Variants in TIMM13 observed in about 807,000 individuals in gnomAD.
TIMM13 encodes translocase of inner mitochondrial membrane 13, also known as mitochondrial import inner membrane translocase subunit Tim13.
A neutral mutation model predicts 10.9 loss-of-function variants in TIMM13; 8 were observed. The ratio of observed to expected loss-of-function variants is 0.73; its 90% confidence interval spans 0.43 to 1.32. The LOEUF is 1.32. Ranked by LOEUF, TIMM13 falls within the 40% of genes most tolerant of loss-of-function variation. The pLI, the probability that TIMM13 is intolerant of heterozygous loss-of-function variation, is 0.01. For missense variants in TIMM13, 147 were observed against 132.8 expected, an observed-to-expected ratio of 1.11 and a Z score of -0.53; for synonymous variants, 68 against 52.5, an observed-to-expected ratio of 1.30 and a Z score of -1.28.
rs749196470 is a variant in TIMM13 at position 2,427,245 on chromosome 19, G to A, written c.189+11C>T. 1 of 1,612,286 alleles carries A rather than the reference G, an allele frequency of 6.2e-7. No individual in the cohort carries two copies. Among genetic ancestry groups the A allele is most frequent in the Non-Finnish European group, 8.5e-7 (1 of 1,179,558 alleles). On this transcript the variant is annotated intron_variant, in intron 2 of 2. Transcript: ENST00000215570. ...CTCGCGACCCTTGCCCCGAACCTCC[G>A]CGGGTCTCACCTGCTCGGAGTTGTC...
rs370039572 is a variant in TIMM13, at chr19:2,426,109, C to G, written c.*839G>C. On this transcript the variant is annotated 3_prime_UTR_variant, in exon 3 of 3. Transcript: ENST00000215570. Reference sequence around the variant, plus strand: ...AGTGACCACCACGTGACTGCCCAGGCCGAGACTCTACGTGAAAGCAACAGG... The same window carrying G: ...AGTGACCACCACGTGACTGCCCAGGGCGAGACTCTACGTGAAAGCAACAGG... 37 of 1,593,890 alleles carry G rather than the reference C, an allele frequency of 2.3e-5. No homozygotes were observed. Among genetic ancestry groups the G allele is most frequent in the Non-Finnish European group, 5.1e-6 (6 of 1,173,208 alleles).
rs922478560 is a variant in TIMM13, at chr19:2,426,480, G to A, written c.*468C>T. 6.9e-6 allele frequency: 2 copies of A among 288,748 alleles called. No homozygotes were observed. Among genetic ancestry groups the A allele is most frequent in the African/African-American group, 4.5e-5 (2 of 44,450 alleles). The allele number at this position is 288,748 out of a possible 1,614,324, so 17.9% of individuals were successfully genotyped here. A position where few individuals can be genotyped will look rare whatever the true frequency, so the allele number is the denominator to read the frequency against. On this transcript the variant is annotated 3_prime_UTR_variant, in exon 3 of 3. Coordinates refer to ENST00000215570, the MANE Select transcript of TIMM13 (RefSeq NM_012458.4). Reference sequence around the variant, plus strand: ...GATGGACTTCTCCCAACCCAGGGGAGGCTGAGACCCTCCGAGCTGGGGTTC... The same window carrying A: ...GATGGACTTCTCCCAACCCAGGGGAAGCTGAGACCCTCCGAGCTGGGGTTC...
chr19:2,427,277 G>A lies in TIMM13; in HGVS notation c.168C>T (p.Gly56=), dbSNP rs1568197729. 1 of 1,613,392 alleles carries A rather than the reference G, an allele frequency of 6.2e-7. No individual in the cohort carries two copies. Among genetic ancestry groups the A allele is most frequent in the South Asian group, 1.1e-5 (1 of 91,076 alleles). The change falls in exon 2 of 3, where the codon GGC becomes GGT. Residue 56 remains glycine (G), a synonymous_variant. Coordinates refer to ENST00000215570, the MANE Select transcript of TIMM13 (RefSeq NM_012458.4). ...TCACCTGCTCGGAGTTGTCCAGGGA[G>A]CCCCCAGGTTTCCCTATACACTTCC... The part of the protein sequence containing the change: ...CFRKCIGKPG[G]SLDNSEQKCI...
In TIMM13 at chr19:2,427,404, A is replaced by G; in HGVS notation, c.120+10T>C. On this transcript the variant is annotated intron_variant, in intron 1 of 2. Transcript: ENST00000215570. ...TCGCCCCCAGCGCCCGTCCCCGGCC[A>G]GCCCCGCACCTGCAGCAGCTCCTGC... 2 of 1,612,302 alleles carry G rather than the reference A, an allele frequency of 1.2e-6. No homozygotes were observed. Among genetic ancestry groups the G allele is most frequent in the African/African-American group, 2.7e-5 (2 of 75,022 alleles).
In TIMM13 at chr19:2,427,403, C is replaced by A; in HGVS notation, c.120+11G>T. The A allele has an allele frequency of 1.2e-6, 2 of 1,612,306 alleles. No individual in the cohort carries two copies. The highest frequency in any genetic ancestry group is 2.7e-5 in the African/African-American group (2 of 75,036). The stretch of plus-strand genomic sequence containing the variant: ...GTCGCCCCCAGCGCCCGTCCCCGGC[C>A]AGCCCCGCACCTGCAGCAGCTCCTG... On this transcript the variant is annotated intron_variant, in intron 1 of 2. Coordinates refer to ENST00000215570, the MANE Select transcript of TIMM13 (RefSeq NM_012458.4).
intron 2 of TIMM13, 81 bp downstream of exon 2, chr19:2,427,175 G>A (rs950389594): frequency 2.4e-5 from 38 of 1,579,790 alleles, no homozygotes; most frequent in African/African-American, 1.2e-4. Context: ...GCACCTCCCC[G>A]TTAGTCTGCG....
At position 2,427,400 on chromosome 19, in the gene TIMM13, G is replaced by C. The variant is rs921855955; in HGVS notation, c.120+14C>G. ...CCTGTCGCCCCCAGCGCCCGTCCCC[G>C]GCCAGCCCCGCACCTGCAGCAGCTC... On this transcript the variant is annotated intron_variant, in intron 1 of 2. Coordinates refer to ENST00000215570, the MANE Select transcript of TIMM13 (RefSeq NM_012458.4). 6.2e-7 allele frequency: 1 copy of C among 1,612,004 alleles called. No individual in the cohort carries two copies. The highest frequency in any genetic ancestry group is 1.3e-5 in the African/African-American group (1 of 74,892).
Position 2,426,422 on chromosome 19 carries a change from G to A in TIMM13, c.*526C>T. On this transcript the variant is annotated 3_prime_UTR_variant, in exon 3 of 3. Coordinates refer to ENST00000215570, the MANE Select transcript of TIMM13 (RefSeq NM_012458.4). Reference sequence around the variant, plus strand: ...GGGTGGCAGCAGCAACACATTCCTCGTGACTCAGCAGCCCGGTGGCACTAA... The same window carrying A: ...GGGTGGCAGCAGCAACACATTCCTCATGACTCAGCAGCCCGGTGGCACTAA... 1 of 317,514 alleles carries A rather than the reference G, an allele frequency of 3.1e-6. No homozygotes were observed. The highest frequency in any genetic ancestry group is 3.7e-5 in the South Asian group (1 of 27,208). The allele number at this position is 317,514 out of a possible 1,614,324, so 19.7% of individuals were successfully genotyped here. A position where few individuals can be genotyped will look rare whatever the true frequency, so the allele number is the denominator to read the frequency against.
Position 2,425,818 on chromosome 19 carries a change from G to A in TIMM13, c.*1130C>T. 7.1e-7 allele frequency: 1 copy of A among 1,409,578 alleles called. No individual in the cohort carries two copies. Among genetic ancestry groups the A allele is most frequent in the Non-Finnish European group, 9.4e-7 (1 of 1,066,946 alleles). 87.3% of individuals were successfully genotyped at this position (1,409,578 alleles called of 1,614,324 possible). ...AGCCCATTTTCCAGATAGTGAAAAT[G>A]CGGCTCCCAGGGGAAGTCACTAGGG... On this transcript the variant is annotated 3_prime_UTR_variant, in exon 3 of 3. Transcript: ENST00000215570.
rs1367387418 is a variant in TIMM13, at chr19:2,426,187, G to GT, written c.*760dup. Reference sequence around the variant, plus strand: ...CACCGTACCCTACCCAAGGACGGGTGTGGGGGGGCTGTGGGTCATGGGGAT... The same window carrying GT: ...CACCGTACCCTACCCAAGGACGGGTGTTGGGGGGGCTGTGGGTCATGGGGAT... On this transcript the variant is annotated 3_prime_UTR_variant, in exon 3 of 3. Coordinates refer to ENST00000215570, the MANE Select transcript of TIMM13 (RefSeq NM_012458.4). The GT allele has an allele frequency of 2.2e-6, 2 of 910,494 alleles. No homozygotes were observed. The highest frequency in any genetic ancestry group is 2.9e-6 in the Non-Finnish European group (2 of 701,278). 56.4% of individuals were successfully genotyped at this position (910,494 alleles called of 1,614,324 possible). A position where few individuals can be genotyped will look rare whatever the true frequency, so the allele number is the denominator to read the frequency against.
chr19:2,427,289 C>A lies in TIMM13; in HGVS notation c.156G>T (p.Gly52=), dbSNP rs753804586. 3.1e-6 allele frequency: 5 copies of A among 1,613,508 alleles called. No individual in the cohort carries two copies. The highest frequency in any genetic ancestry group is 4.2e-6 in the Non-Finnish European group (5 of 1,179,842). Residue 52 remains glycine (G), a synonymous_variant, in exon 2 of 3, where the codon GGG becomes GGT. Coordinates refer to ENST00000215570, the MANE Select transcript of TIMM13 (RefSeq NM_012458.4). ...MTDKCFRKCI[G]KPGGSLDNSE... is the part of the protein sequence containing the mutation. Reference sequence around the variant, plus strand: ...AGTTGTCCAGGGAGCCCCCAGGTTTCCCTATACACTTCCGGAAACACTTGT... The same window carrying A: ...AGTTGTCCAGGGAGCCCCCAGGTTTACCTATACACTTCCGGAAACACTTGT...
Position 2,427,442 on chromosome 19 carries a change from G to A in TIMM13, c.92C>T (p.Ala31Val), listed in dbSNP as rs751452775. The A allele has an allele frequency of 1.7e-5, 28 of 1,612,694 alleles. No homozygotes were observed. Among genetic ancestry groups the A allele is most frequent in the Non-Finnish European group, 2.2e-5 (26 of 1,179,706 alleles). ...LIMEQVKVQI[A>V]VANAQELLQR... ...CAGCAGCTCCTGCGCGTTGGCCACG[G>A]CGATCTGCACTTTCACCTGCTCCAT... Residue 31 changes from alanine (A) to valine (V), a missense_variant, in exon 1 of 3, where the codon GCC becomes GTC. By Grantham distance (64) the Ala-to-Val change is moderately conservative. Transcript: ENST00000215570.
chr19:2,427,432 G>A lies in TIMM13; in HGVS notation c.102C>T (p.Asn34=). ...EQVKVQIAVA[N]AQELLQRMTD... ...CCCGCACCTGCAGCAGCTCCTGCGC[G>A]TTGGCCACGGCGATCTGCACTTTCA... The change falls in exon 1 of 3, where the codon AAC becomes AAT. Residue 34 remains asparagine (N), a synonymous_variant. Transcript: ENST00000215570. 1 of 1,612,790 alleles carries A rather than the reference G, an allele frequency of 6.2e-7. No individual in the cohort carries two copies.
rs573425825 is a variant in TIMM13, at chr19:2,427,535, G to A, written c.-2C>T. 8 of 1,601,222 alleles carry A rather than the reference G, an allele frequency of 5.0e-6. No homozygotes were observed. In the African/African-American group the frequency reaches 8.0e-5, roughly 16 times the overall value. On this transcript the variant is annotated 5_prime_UTR_variant, in exon 1 of 3. Coordinates refer to ENST00000215570, the MANE Select transcript of TIMM13 (RefSeq NM_012458.4). The stretch of plus-strand genomic sequence containing the variant: ...ATCGGAGCCGAAGCCGCCCTCCATG[G>A]CTCCGCAAAGTCAACCGGACCGAGG...
Position 2,426,884 on chromosome 19 carries a change from C to A in TIMM13, c.*64G>T. The A allele has an allele frequency of 6.7e-7, 1 of 1,492,466 alleles. No homozygotes were observed. The highest frequency in any genetic ancestry group is 9.1e-7 in the Non-Finnish European group (1 of 1,098,950). The allele number at this position is 1,492,466 out of a possible 1,614,324, so 92.5% of individuals were successfully genotyped here. A position where few individuals can be genotyped will look rare whatever the true frequency, so the allele number is the denominator to read the frequency against. On this transcript the variant is annotated 3_prime_UTR_variant, in exon 3 of 3. Coordinates refer to ENST00000215570, the MANE Select transcript of TIMM13 (RefSeq NM_012458.4). ...GCCCCGGGCAGGCAGTACGTACATG[C>A]GGACCCCGCCTCTCAAAGCACGTTT... is the stretch of plus-strand genomic sequence containing the variant.
Position 2,426,572 on chromosome 19 carries a change from T to G in TIMM13, c.*376A>C. 2 of 352,724 alleles carry G rather than the reference T, an allele frequency of 5.7e-6. No homozygotes were observed. Among genetic ancestry groups the G allele is most frequent in the South Asian group, 3.9e-5 (1 of 25,524 alleles). The allele number at this position is 352,724 out of a possible 1,614,324, so 21.8% of individuals were successfully genotyped here. On this transcript the variant is annotated 3_prime_UTR_variant, in exon 3 of 3. Coordinates refer to ENST00000215570, the MANE Select transcript of TIMM13 (RefSeq NM_012458.4). Reference sequence around the variant, plus strand: ...GAAATAAAGAGGTTTCTCTCCGTCCTCCACCAATTTATTTGCCCATCCGCA... The same window carrying G: ...GAAATAAAGAGGTTTCTCTCCGTCCGCCACCAATTTATTTGCCCATCCGCA...
At position 2,425,676 on chromosome 19, in the gene TIMM13, C is replaced by A; in HGVS notation, c.*1272G>T. On this transcript the variant is annotated 3_prime_UTR_variant, in exon 3 of 3. Coordinates refer to ENST00000215570, the MANE Select transcript of TIMM13 (RefSeq NM_012458.4). ...CTCCACAGCCGTTTATTGGGCAACC[C>A]ACCGCATCCCATCCCCGGGCCTCGG... 7.9e-7 allele frequency: 1 copy of A among 1,261,198 alleles called. No individual in the cohort carries two copies. Among genetic ancestry groups the A allele is most frequent in the Non-Finnish European group, 1.0e-6 (1 of 963,016 alleles). The allele number at this position is 1,261,198 out of a possible 1,614,324, so 78.1% of individuals were successfully genotyped here.
rs746279117 is a variant in TIMM13 at position 2,427,553 on chromosome 19, G to T, written c.-20C>A. ...CTCCATGGCTCCGCAAAGTCAACCG[G>T]ACCGAGGCCGCGTGCGCCGACTCGT... is the stretch of plus-strand genomic sequence containing the variant. On this transcript the variant is annotated 5_prime_UTR_variant, in exon 1 of 3. Coordinates refer to ENST00000215570, the MANE Select transcript of TIMM13 (RefSeq NM_012458.4). 1.9e-6 allele frequency: 3 copies of T among 1,583,502 alleles called. No individual in the cohort carries two copies. The highest frequency in any genetic ancestry group is 2.6e-6 in the Non-Finnish European group (3 of 1,166,240).
At position 2,425,824 on chromosome 19, in the gene TIMM13, C is replaced by G. The variant is rs577871933; in HGVS notation, c.*1124G>C. The G allele has an allele frequency of 2.1e-6, 3 of 1,435,462 alleles. No individual in the cohort carries two copies. The Admixed American group carries it at 7.4e-5, about 35-fold the overall frequency. 88.9% of individuals were successfully genotyped at this position (1,435,462 alleles called of 1,614,324 possible). On this transcript the variant is annotated 3_prime_UTR_variant, in exon 3 of 3. Coordinates refer to ENST00000215570, the MANE Select transcript of TIMM13 (RefSeq NM_012458.4). Reference sequence around the variant, plus strand: ...TTTTCCAGATAGTGAAAATGCGGCTCCCAGGGGAAGTCACTAGGGTCACTC... The same window carrying G: ...TTTTCCAGATAGTGAAAATGCGGCTGCCAGGGGAAGTCACTAGGGTCACTC...
Sources: allele counts gnomAD v4.1 joint callset, GRCh38; gene constraint gnomAD v4.1.1; transcripts MANE v1.5; gene names NCBI Gene and HGNC (gene_info 2026-07-23, HGNC 2026-07-21).